Variants in GMDS observed in about 807,000 individuals in gnomAD.
The protein encoded by GMDS is GDP-mannose 4,6-dehydratase.
Under a neutral mutation model 49.9 loss-of-function variants are expected in GMDS, and 20 were observed. The observed-to-expected ratio is 0.40, with a 90% CI of 0.28 to 0.58. GMDS has a LOEUF of 0.58. Ranked by LOEUF, GMDS falls within the 20% of genes least tolerant of loss-of-function variation. The pLI is 0.42. For synonymous variants in GMDS, 177 were observed against 178.6 expected (o/e 0.99, Z 0.07); for missense variants, 362 against 481.4 (o/e 0.75, Z 2.32).
rs568361218 is a variant in GMDS, at chr6:1,649,065, T to G, written c.988-24525A>C. On this transcript the variant is annotated intron_variant, in intron 9 of 10. Coordinates refer to ENST00000380815, the MANE Select transcript of GMDS (RefSeq NM_001500.4). ...AAGTGTAAATTTATGACACTGTCCT[T>G]CAAATATTATTCATACATCAGGTTT... 2.0e-5 allele frequency among the ~76,000 whole-genome samples: 3 copies of G among 152,362 alleles called. No homozygotes were observed. The South Asian group carries it at 6.2e-4, about 32-fold the overall frequency.
chr6:2,118,440 A>G (rs1319305488), intron 2 of GMDS, among the ~76,000 whole-genome samples: 2 of 152,224 alleles, frequency 1.3e-5, no homozygotes, highest in African/African-American at 4.8e-5. Context: ...TCTTATGCTG[A>G]AAAGTTCATT....
chr6:1,927,293 G>C (rs11753438), intron 7 of GMDS, among the ~76,000 whole-genome samples: 7 of 10,822 alleles, frequency 6.5e-4, no homozygotes, highest in Admixed American at 2.7e-3. Context: ...TAGCGTGTTG[G>C]TGTATTTTTA....
At chr6:2,011,239 C>G (rs1265772180) in intron 4 of GMDS, among the ~76,000 whole-genome samples, 1 of 152,026 alleles carries the variant, frequency 6.6e-6, no homozygotes, top group African/African-American at 2.4e-5. Flanking sequence ...AAATTAAAAC[C>G]ACAATGAAGT....
In GMDS at chr6:2,005,427, T is replaced by C. The variant is rs191160279; in HGVS notation, c.346-44461A>G. Among the ~76,000 whole-genome samples the C allele has an allele frequency of 2.8e-3, 433 of 152,308 alleles. 4 individuals carry two copies. Among genetic ancestry groups the C allele is most frequent in the African/African-American group, 0.01 (418 of 41,566 alleles). On this transcript the variant is annotated intron_variant, in intron 4 of 10. Coordinates refer to ENST00000380815, the MANE Select transcript of GMDS (RefSeq NM_001500.4). The stretch of plus-strand genomic sequence containing the variant: ...TCAGGGGAAAGCAGAGACAAATTTA[T>C]GTGTCTTGGAATGGACAGAGCCTGG...
chr6:2,070,815 C>A (rs1771946647), intron 4 of GMDS, among the ~76,000 whole-genome samples: 1 of 152,150 alleles, frequency 6.6e-6, no homozygotes, highest in Non-Finnish European at 1.5e-5. Flanking sequence ...TCTTCCAATT[C>A]CTGAACACAG....
intron 4 of GMDS, among the ~76,000 whole-genome samples, chr6:1,984,649 G>A (rs1347914353): frequency 2.0e-5 from 3 of 152,078 alleles, no homozygotes; most frequent in Non-Finnish European, 4.4e-5. Flanking sequence ...GTCTCTATCT[G>A]GCATTTCTAC....
rs554716070 is a variant in GMDS, at chr6:1,974,149, TA to T, written c.346-13184del. Among the ~76,000 whole-genome samples the T allele has an allele frequency of 5.4e-3, 768 of 143,054 alleles. 4 individuals are homozygous for T. Among genetic ancestry groups the T allele is most frequent in the African/African-American group, 0.014 (541 of 39,496 alleles). 93.8% of individuals were successfully genotyped at this position (143,054 alleles called of 152,430 possible). A position where few individuals can be genotyped will look rare whatever the true frequency, so the allele number is the denominator to read the frequency against. On this transcript the variant is annotated intron_variant, in intron 4 of 10. Transcript: ENST00000380815. ...AGTAAATTAATTTTAGAAGGAATAT[TA>T]AAAAAAAAAAACCTAAGCTGTGAGA...
rs777211551 is a variant in GMDS at position 1,726,491 on chromosome 6, A to G, written c.912T>C (p.Asn304=). ...CGGTCTCTTTACATCTGCCCACTTC[A>G]TTTTCATTCTTTCCTTCCCACCTGT... ...KTIVWEGKNE[N]EVGRCKETGK... is the part of the protein sequence containing the mutation. Residue 304 remains asparagine, a synonymous_variant, in exon 9 of 11, where the codon AAT becomes AAC. Coordinates refer to ENST00000380815, the MANE Select transcript of GMDS (RefSeq NM_001500.4). The G allele has an allele frequency of 6.8e-6, 11 of 1,612,478 alleles. No individual in the cohort carries two copies. Among genetic ancestry groups the G allele is most frequent in the African/African-American group, 1.3e-5 (1 of 74,884 alleles).
chr6:1,702,382 G>A (rs1258363046), intron 9 of GMDS, among the ~76,000 whole-genome samples: 1 of 152,252 alleles, frequency 6.6e-6, no homozygotes, highest in African/African-American at 2.4e-5. Flanking sequence ...CTCACCCAGA[G>A]TCTTGATTAA....
At chr6:1,952,929 C>T (rs1284664865) in intron 6 of GMDS, among the ~76,000 whole-genome samples, 1 of 152,144 alleles carries the variant, frequency 6.6e-6, no homozygotes, top group Non-Finnish European at 1.5e-5. Context: ...GAGTGACTCA[C>T]GGCTGGTAAC....
chr6:2,044,453 C>A (rs1769876389), intron 4 of GMDS, among the ~76,000 whole-genome samples: 1 of 152,088 alleles, frequency 6.6e-6, no homozygotes, highest in Non-Finnish European at 1.5e-5. Flanking sequence ...TAGCAAACTA[C>A]TGGAGGAACA....
rs945983078 is a variant in GMDS, at chr6:2,191,070, C to T, written c.102+54251G>A. ...GGGGAAATGGGAGCAGTGCCCACTACAGGGACCCAGCCAGTGGTGCGGTCA... is the reference window on the plus strand; with the variant it reads ...GGGGAAATGGGAGCAGTGCCCACTATAGGGACCCAGCCAGTGGTGCGGTCA... On this transcript the variant is annotated intron_variant, in intron 1 of 10. Coordinates refer to ENST00000380815, the MANE Select transcript of GMDS (RefSeq NM_001500.4). The surrounding 1 kb of genome is among the most constrained non-coding windows in gnomAD (Gnocchi z 4.6). 1.1e-4 allele frequency among the ~76,000 whole-genome samples: 17 copies of T among 152,080 alleles called. No homozygotes were observed. The highest frequency in any genetic ancestry group is 4.1e-4 in the African/African-American group (17 of 41,404).
intron 9 of GMDS, among the ~76,000 whole-genome samples, chr6:1,638,340 A>G (rs1371170941): frequency 6.6e-6 from 1 of 152,116 alleles, no homozygotes; most frequent in Admixed American, 6.5e-5. Flanking sequence ...CACAGAGGGA[A>G]CCCTGGCTGA....
At chr6:1,876,249 A>G (rs551349387) in intron 7 of GMDS, among the ~76,000 whole-genome samples, 1 of 151,846 alleles carries the variant, frequency 6.6e-6, no homozygotes, top group Admixed American at 6.6e-5. Context: ...CAAGAGCGAA[A>G]CTCTGTCTCA....
rs538108104 is a variant in GMDS at position 1,987,008 on chromosome 6, C to T, written c.346-26042G>A. Reference sequence around the variant, plus strand: ...AAGCACAATAAACCAGTAGTTGAGCCAGAAGAGGTTTTGTTGTTTGAGGCA... The same window carrying T: ...AAGCACAATAAACCAGTAGTTGAGCTAGAAGAGGTTTTGTTGTTTGAGGCA... On this transcript the variant is annotated intron_variant, in intron 4 of 10. Transcript: ENST00000380815. 3.9e-5 allele frequency among the ~76,000 whole-genome samples: 6 copies of T among 152,194 alleles called. No homozygotes were observed. The East Asian group carries it at 1.2e-3, about 29-fold the overall frequency.
intron 7 of GMDS, among the ~76,000 whole-genome samples, chr6:1,895,631 A>G (rs533359585): frequency 6.6e-6 from 1 of 152,378 alleles, no homozygotes; most frequent in South Asian, 2.1e-4. Flanking sequence ...GACGTGCTTT[A>G]CATGATTATT....
intron 1 of GMDS, among the ~76,000 whole-genome samples, chr6:2,198,537 T>A (rs1314682788): frequency 1.4e-5 from 2 of 144,212 alleles, no homozygotes; most frequent in South Asian, 2.2e-4. Context: ...GTTCCAGAGA[T>A]CACTGGATAA....
At chr6:1,795,976 T>G (rs1478313340) in intron 7 of GMDS, among the ~76,000 whole-genome samples, 1 of 152,216 alleles carries the variant, frequency 6.6e-6, no homozygotes, top group African/African-American at 2.4e-5. Flanking sequence ...CTCTTCTCTC[T>G]ACAAACTCCA....
At chr6:1,732,593 G>A (rs1302312194) in intron 8 of GMDS, among the ~76,000 whole-genome samples, 3 of 152,120 alleles carry the variant, frequency 2.0e-5, no homozygotes, top group African/African-American at 7.2e-5. Flanking sequence ...GGAGATAAAT[G>A]CCAAAATAAT....
Sources: allele counts gnomAD v4.1 joint callset (sites outside exome capture counted in the v4.1 genomes callset), GRCh38; gene constraint gnomAD v4.1.1; non-coding constraint Gnocchi (gnomAD v3.1); transcripts MANE v1.5; gene names NCBI Gene and HGNC (gene_info 2026-07-23, HGNC 2026-07-21).